The following USP14 variants were observed in gnomAD, a reference collection of about 807,000 sequenced individuals.
The protein encoded by USP14 is ubiquitin specific peptidase 14, also known as ubiquitin carboxyl-terminal hydrolase 14.
Under a neutral mutation model 76.5 loss-of-function variants are expected in USP14, and 38 were observed. That is an observed-to-expected ratio of 0.50 (90% CI 0.38 to 0.65). The LOEUF (loss-of-function observed/expected upper bound fraction) is 0.65. Among genes scored for constraint, USP14 ranks in the 30% least tolerant of loss-of-function variants. The pLI, the probability that USP14 is intolerant of heterozygous loss-of-function variation, is 0.00. For missense variants in USP14, 467 were observed against 586.5 expected (o/e 0.80, Z 2.10); for synonymous variants, 192 against 191.7 (o/e 1.00, Z -0.01).
chr18:206,970 C>T (rs1049760214), intron 13 of USP14, among the ~76,000 whole-genome samples: 1 of 152,088 alleles, frequency 6.6e-6, no homozygotes, highest in East Asian at 1.9e-4. Flanking sequence ...GGTCTTTGAT[C>T]CATTGAGGGT....
Position 163,550 on chromosome 18 carries a change from G to A in USP14, c.162+97G>A. 5 of 1,396,192 alleles carry A rather than the reference G, an allele frequency of 3.6e-6. No individual in the cohort carries two copies. The South Asian group carries it at 7.5e-5, about 21-fold the overall frequency. 86.5% of individuals were successfully genotyped at this position (1,396,192 alleles called of 1,614,324 possible). A position where few individuals can be genotyped will look rare whatever the true frequency, so the allele number is the denominator to read the frequency against. ...ATTTAATTTTAATGTAGCATTTGAAGTGCTTTTTTTATATGATGAGAGTAT... is the reference window on the plus strand; with the variant it reads ...ATTTAATTTTAATGTAGCATTTGAAATGCTTTTTTTATATGATGAGAGTAT... On this transcript the variant is annotated intron_variant, in intron 2 of 15. Coordinates refer to ENST00000261601, the MANE Select transcript of USP14 (RefSeq NM_005151.4).
chr18:158,900 C>A, intron 1 of USP14, 186 bp downstream of exon 1: 11 of 981,582 alleles, frequency 1.1e-5, no homozygotes, highest in Non-Finnish European at 1.3e-5. Context: ...CCCTGCGTGG[C>A]AGGGGAGCGC....
At position 184,438 on chromosome 18, in the gene USP14, T is replaced by G. The variant is rs562867174; in HGVS notation, c.404+4099T>G. On this transcript the variant is annotated intron_variant, in intron 5 of 15. Coordinates refer to ENST00000261601, the MANE Select transcript of USP14 (RefSeq NM_005151.4). ...CCTCACAAATACTTAGCAGAACTTG[T>G]CTTTGGCAGGTTCTATAGAGTGGGA... 4.6e-5 allele frequency among the ~76,000 whole-genome samples: 7 copies of G among 152,314 alleles called. No individual in the cohort carries two copies. In the South Asian group the frequency reaches 1.4e-3, roughly 32 times the overall value.
intron 6 of USP14, among the ~76,000 whole-genome samples, chr18:194,884 T>C (rs530803600): frequency 6.6e-6 from 1 of 152,278 alleles, no homozygotes; most frequent in South Asian, 2.1e-4. Context: ...TGAGCTGAGA[T>C]TGTGTCAGTG....
At chr18:178,532 A>G (rs1217795759) in intron 3 of USP14, among the ~76,000 whole-genome samples, 3 of 152,132 alleles carry the variant, frequency 2.0e-5, no homozygotes, top group Admixed American at 1.3e-4. Context: ...GCGATTCTAT[A>G]TTGTCATGTA....
At chr18:192,929 A>G (rs1259755423) in intron 6 of USP14, 29 bp downstream of exon 6, 2 of 1,587,918 alleles carry the variant, frequency 1.3e-6, no homozygotes, top group African/African-American at 1.3e-5. Flanking sequence ...CTACTTTTTG[A>G]TAGGAGTAAG....
Position 197,681 on chromosome 18 carries a change from T to C in USP14, c.660T>C (p.Asp220=). The C allele has an allele frequency of 6.2e-7, 1 of 1,611,714 alleles. No individual in the cohort carries two copies. Among genetic ancestry groups the C allele is most frequent in the Non-Finnish European group, 8.5e-7 (1 of 1,178,622 alleles). The change falls in exon 8 of 16, where the codon GAT becomes GAC. Residue 220 remains aspartate, a synonymous_variant. Transcript: ENST00000261601. The part of the protein sequence containing the change: ...VLQQKLEAIE[D]DSVKETDSSS... Reference sequence around the variant, plus strand: ...AACAGAAATTGGAAGCAATAGAGGATGATTCTGTTAAAGAGGTAATTGAAA... The same window carrying C: ...AACAGAAATTGGAAGCAATAGAGGACGATTCTGTTAAAGAGGTAATTGAAA...
chr18:168,844 G>A (rs893779892), intron 3 of USP14, among the ~76,000 whole-genome samples: 5 of 148,480 alleles, frequency 3.4e-5, no homozygotes, highest in Admixed American at 6.7e-5. Context: ...AGGCCGAGGC[G>A]GGTGGATCAC....
At chr18:182,104 G>C (rs1317455853) in intron 5 of USP14, among the ~76,000 whole-genome samples, 1 of 152,012 alleles carries the variant, frequency 6.6e-6, no homozygotes, top group Non-Finnish European at 1.5e-5. Flanking sequence ...GTCAGTACTG[G>C]TTTCAAAAAA....
chr18:192,891 A>G lies in USP14; in HGVS notation c.454A>G (p.Ile152Val), dbSNP rs1910129740. Residue 152 changes from isoleucine to valine, a missense_variant, in exon 6 of 16, where the codon ATT becomes GTT. By Grantham distance (29) the Ile-to-Val change is conservative. Transcript: ENST00000261601. Reference protein sequence around the residue: ...ASGEMASAQYITAALRDLFDS... With the variant: ...ASGEMASAQYVTAALRDLFDS... ...AGGGGAAATGGCTTCAGCGCAGTAT[A>G]TTACTGCAGGTTTGTATACTAAATA... 2.5e-6 allele frequency: 4 copies of G among 1,613,260 alleles called. No individual in the cohort carries two copies. The highest frequency in any genetic ancestry group is 1.7e-4 in the Middle Eastern group (1 of 6,056).
At chr18:171,021 AAAAAATAT>A (rs1416400485) in intron 3 of USP14, among the ~76,000 whole-genome samples, 20 of 84,554 alleles carry the variant, frequency 2.4e-4, no homozygotes, top group East Asian at 7.8e-4. Flanking sequence ...AAAAAAAAAA[AAAAAATAT>A]ATATATATAT....
chr18:178,420 G>A (rs977676194), intron 3 of USP14, among the ~76,000 whole-genome samples: 3 of 152,088 alleles, frequency 2.0e-5, no homozygotes, highest in African/African-American at 7.2e-5. Context: ...ACATTATTAG[G>A]TGTTTTTATG....
chr18:202,132 TA>T (rs1231645443), intron 10 of USP14, among the ~76,000 whole-genome samples: 2 of 152,232 alleles, frequency 1.3e-5, no homozygotes, highest in Non-Finnish European at 2.9e-5. Context: ...GCAGAGCACA[TA>T]AGTAGTGCTA....
At chr18:159,349 C>T (rs568339241) in intron 1 of USP14, among the ~76,000 whole-genome samples, 8 of 152,242 alleles carry the variant, frequency 5.3e-5, no homozygotes, top group Admixed American at 1.3e-4. Flanking sequence ...TACACATATC[C>T]CCGGGGTGTC....
intron 10 of USP14, among the ~76,000 whole-genome samples, chr18:200,528 T>C (rs1355564914): frequency 6.6e-6 from 1 of 152,216 alleles, no homozygotes; most frequent in Non-Finnish European, 1.5e-5. Flanking sequence ...AACTTGCTTC[T>C]TTCATTATTC....
intron 14 of USP14, 172 bp from the exon 15 acceptor site, chr18:210,213 GT>G (rs1293717460): frequency 1.5e-6 from 1 of 684,670 alleles, no homozygotes; most frequent in Non-Finnish European, 2.4e-6. Context: ...CTATGAGTAA[GT>G]TACTTATTAA....
intron 3 of USP14, among the ~76,000 whole-genome samples, chr18:173,713 G>A (rs1909543090): frequency 1.3e-5 from 2 of 152,132 alleles, no homozygotes; most frequent in South Asian, 4.1e-4. Flanking sequence ...GTGAGCCACC[G>A]CACCCGGTCT....
chr18:178,776 C>T (rs1909700043), intron 3 of USP14, 157 bp from the exon 4 acceptor site: 3 of 512,612 alleles, frequency 5.9e-6, no homozygotes, highest in Admixed American at 3.6e-5. Flanking sequence ...TCCCCATCTC[C>T]AGTCCTAGGC....
intron 3 of USP14, among the ~76,000 whole-genome samples, chr18:171,904 G>T (rs188306024): frequency 8.5e-5 from 13 of 152,260 alleles, no homozygotes; most frequent in Admixed American, 8.5e-4. Flanking sequence ...CAAAACTTGA[G>T]TTGAGGATAC....
Sources: gnomAD v4.1 joint callset for allele counts (sites outside exome capture counted in the v4.1 genomes callset) on GRCh38, gnomAD v4.1.1 for gene constraint, MANE v1.5 for transcripts, NCBI Gene and HGNC (gene_info 2026-07-23, HGNC 2026-07-21) for gene names.